Variants in KSR2 observed in about 807,000 individuals in gnomAD.
KSR2 encodes the protein kinase suppressor of ras 2.
KSR2 carries 25 observed loss-of-function variants against 107.8 expected under a neutral mutation model. The observed-to-expected ratio is 0.23, with a 90% CI of 0.17 to 0.32. The LOEUF (loss-of-function observed/expected upper bound fraction) is 0.32. Among genes scored for constraint, KSR2 ranks in the 10% least tolerant of loss-of-function variants. The pLI, the probability that KSR2 is intolerant of heterozygous loss-of-function variation, is 1.00. For synonymous variants in KSR2, 480 were observed against 507.0 expected (o/e 0.95, Z 0.71); for missense variants, 887 against 1,268.9 (o/e 0.70, Z 4.57).
chr12:117,950,101 G>A (rs2137565941), intron 1 of KSR2, among the ~76,000 whole-genome samples: 1 of 151,996 alleles, frequency 6.6e-6, no homozygotes, highest in East Asian at 1.9e-4. Context: ...AGCTTCATGA[G>A]TAGCTGGGAT....
chr12:117,952,994 A>G lies in KSR2; in HGVS notation c.180+15082T>C, dbSNP rs529385472. On this transcript the variant is annotated intron_variant, in intron 1 of 19. Transcript: ENST00000339824. ...AGTGAGACTCCATCTCAAAAAAAAA[A>G]AAAAAAAAAAATTTTAAAGGCTGCC... Among the ~76,000 whole-genome samples the G allele has an allele frequency of 7.6e-4, 116 of 151,676 alleles. 1 individual carries two copies. Among genetic ancestry groups the G allele is most frequent in the African/African-American group, 2.7e-3 (113 of 41,354 alleles).
chr12:117,561,152 G>C (rs528852977), intron 7 of KSR2, among the ~76,000 whole-genome samples: 58 of 152,282 alleles, frequency 3.8e-4, no homozygotes, highest in African/African-American at 1.3e-3. Context: ...AAAAATAGTA[G>C]AGTGGATATG....
rs986619567 is a variant in KSR2 at position 117,907,276 on chromosome 12, T to C, written c.181-46845A>G. 6.6e-6 allele frequency among the ~76,000 whole-genome samples: 1 copy of C among 152,186 alleles called. No individual in the cohort carries two copies. The highest frequency in any genetic ancestry group is 1.5e-5 in the Non-Finnish European group (1 of 68,030). On this transcript the variant is annotated intron_variant, in intron 1 of 19. Transcript: ENST00000339824. The surrounding 1 kb of genome is among the most constrained non-coding windows in gnomAD (Gnocchi z 4.3). ...GAGCCATTACACCAAACTGCCTTCGTTCTGGATGGGGGCGTCCTGACATGC... is the reference window on the plus strand; with the variant it reads ...GAGCCATTACACCAAACTGCCTTCGCTCTGGATGGGGGCGTCCTGACATGC...
chr12:117,818,888 G>A (rs1891467399), intron 3 of KSR2, among the ~76,000 whole-genome samples: 1 of 152,144 alleles, frequency 6.6e-6, no homozygotes, highest in Admixed American at 6.5e-5. Context: ...GACCAGGGAA[G>A]AGAAAATGAC....
chr12:117,551,713 G>C (rs776838737), intron 9 of KSR2, among the ~76,000 whole-genome samples: 4 of 152,122 alleles, frequency 2.6e-5, no homozygotes, highest in Non-Finnish European at 5.9e-5. Context: ...CCACATCATT[G>C]CCTGACAAGA....
At chr12:117,728,533 C>T (rs1887535314) in intron 4 of KSR2, among the ~76,000 whole-genome samples, 1 of 152,164 alleles carries the variant, frequency 6.6e-6, no homozygotes, top group South Asian at 2.1e-4. Context: ...TCCCAGAAAG[C>T]CCCCAGCTGC....
At chr12:117,926,705 C>T (rs1008801427) in intron 1 of KSR2, among the ~76,000 whole-genome samples, 1 of 152,232 alleles carries the variant, frequency 6.6e-6, no homozygotes. Flanking sequence ...GGCCCAATGA[C>T]CTTCACCACC....
chr12:117,845,589 C>G (rs1892670558), intron 3 of KSR2, among the ~76,000 whole-genome samples: 1 of 152,024 alleles, frequency 6.6e-6, no homozygotes, highest in Non-Finnish European at 1.5e-5. Flanking sequence ...TCAGGTGACT[C>G]TAAGTAAAAA....
intron 1 of KSR2, among the ~76,000 whole-genome samples, chr12:117,912,831 G>A (rs887570299): frequency 6.6e-6 from 1 of 152,128 alleles, no homozygotes; most frequent in Non-Finnish European, 1.5e-5. Context: ...CAGCTCCTCC[G>A]ATGTTGTATT....
At chr12:117,590,204 C>T (rs1180822363) in intron 5 of KSR2, among the ~76,000 whole-genome samples, 4 of 152,224 alleles carry the variant, frequency 2.6e-5, no homozygotes, top group African/African-American at 7.2e-5. Context: ...AGGGTCAATG[C>T]AATTCATGCA....
intron 14 of KSR2, among the ~76,000 whole-genome samples, chr12:117,514,699 C>T (rs1342067521): frequency 6.6e-6 from 1 of 152,002 alleles, no homozygotes; most frequent in Non-Finnish European, 1.5e-5. Flanking sequence ...CAGGAGCACA[C>T]CATCACATCT....
At chr12:117,696,219 C>G (rs118060339) in intron 4 of KSR2, among the ~76,000 whole-genome samples, 2,579 of 152,282 alleles carry the variant, frequency 0.017, 36 homozygotes, top group Non-Finnish European at 0.022. Flanking sequence ...AGGGAGGCTG[C>G]TGGGCCCCGG....
intron 7 of KSR2, among the ~76,000 whole-genome samples, chr12:117,564,402 T>C (rs1225038638): frequency 6.6e-6 from 1 of 152,186 alleles, no homozygotes; most frequent in African/African-American, 2.4e-5. Flanking sequence ...TAGTACCACA[T>C]AGGCACCAAA....
In KSR2 at chr12:117,963,016, CCT is replaced by C. The variant is rs577711460; in HGVS notation, c.180+5058_180+5059del. On this transcript the variant is annotated intron_variant, in intron 1 of 19. Coordinates refer to ENST00000339824, the MANE Select transcript of KSR2 (RefSeq NM_173598.6). Reference sequence around the variant, plus strand: ...CCTGGCCAATAGGCTGGTCTGAAACCCTGTCTCTACTAAAAATACAAAAATTA... The same window carrying C: ...CCTGGCCAATAGGCTGGTCTGAAACCGTCTCTACTAAAAATACAAAAATTA... Among the ~76,000 whole-genome samples the C allele has an allele frequency of 2.6e-5, 4 of 151,342 alleles. No individual in the cohort carries two copies. In the South Asian group the frequency reaches 8.4e-4, roughly 32 times the overall value.
At position 117,667,515 on chromosome 12, in the gene KSR2, G is replaced by A. The variant is rs1199534304; in HGVS notation, c.1130C>T (p.Pro377Leu). 6.2e-7 allele frequency: 1 copy of A among 1,612,404 alleles called. No individual in the cohort carries two copies. Among genetic ancestry groups the A allele is most frequent in the East Asian group, 2.2e-5 (1 of 44,850 alleles). ...CTCAGTGTGAACAGGAGGGGTGGAA[G>A]GCAGGAAAGGTGCGTGTCCCACAAA... ...SFFVGHAPFL[P>L]STPPVHTEAN... The change falls in exon 5 of 20, where the codon CCT becomes CTT. Residue 377 changes from proline to leucine, a missense_variant. By Grantham distance (98) the Pro-to-Leu change is moderately conservative (BLOSUM62 -3). Transcript: ENST00000339824.
At chr12:117,811,431 A>G (rs1052265504) in intron 3 of KSR2, among the ~76,000 whole-genome samples, 9 of 152,212 alleles carry the variant, frequency 5.9e-5, no homozygotes, top group Non-Finnish European at 8.8e-5. Flanking sequence ...CTTGCTATTA[A>G]TGCAGATTCC....
At chr12:117,582,125 TG>T (rs1179253531) in intron 6 of KSR2, among the ~76,000 whole-genome samples, 164 bp downstream of exon 6, 1 of 152,186 alleles carries the variant, frequency 6.6e-6, no homozygotes, top group East Asian at 1.9e-4. Flanking sequence ...CTCAGTCTCC[TG>T]GTTGCCACTT....
chr12:117,952,966 T>TCTGG (rs1264887510), intron 1 of KSR2, among the ~76,000 whole-genome samples: 1 of 115,414 alleles, frequency 8.7e-6, no homozygotes, highest in Non-Finnish European at 1.6e-5. Context: ...GCCTGGGCAA[T>TCTGG]AGAGTGAGAC....
At position 117,528,179 on chromosome 12, in the gene KSR2, T is replaced by G. The variant is rs563871826; in HGVS notation, c.1803-1060A>C. Among the ~76,000 whole-genome samples the G allele has an allele frequency of 2.2e-3, 336 of 152,132 alleles. 1 individual carries two copies. Among genetic ancestry groups the G allele is most frequent in the African/African-American group, 7.8e-3 (324 of 41,524 alleles). ...ACACACAGGATGTTGAGGGGGATGC[T>G]GTATGCCGATAGTATAATTGGGTGT... On this transcript the variant is annotated intron_variant, in intron 12 of 19. Transcript: ENST00000339824.
Sources: gnomAD v4.1 joint callset for allele counts (sites outside exome capture counted in the v4.1 genomes callset) on GRCh38, gnomAD v4.1.1 for gene constraint, Gnocchi (gnomAD v3.1) non-coding constraint, MANE v1.5 for transcripts, NCBI Gene and HGNC (gene_info 2026-07-23, HGNC 2026-07-21) for gene names.